Variants in GYG1 observed in about 807,000 individuals in gnomAD.
GYG1 encodes glycogenin-1.
In GYG1, 44 loss-of-function variants were observed where a neutral mutation model predicts 41.9. That is an observed-to-expected ratio of 1.05 (90% CI 0.83 to 1.35). The LOEUF is 1.35. GYG1 is among the 40% of genes most tolerant of loss of function. GYG1 has a pLI of 0.00. For synonymous variants in GYG1, 141 were observed against 158.1 expected, an observed-to-expected ratio of 0.89 and a Z score of 0.81; for missense variants, 429 against 418.9, an observed-to-expected ratio of 1.02 and a Z score of -0.21.
intron 4 of GYG1, among the ~76,000 whole-genome samples, chr3:149,005,771 T>C (rs1361890958): frequency 1.3e-5 from 2 of 152,228 alleles, no homozygotes; most frequent in Non-Finnish European, 2.9e-5. Context: ...CTGTTCATTT[T>C]GAGAGAATTT....
In GYG1 at chr3:148,996,496, T is replaced by C. The variant is rs1156291692; in HGVS notation, c.318+20T>C. On this transcript the variant is annotated intron_variant, in intron 3 of 7. Coordinates refer to ENST00000345003, the MANE Select transcript of GYG1 (RefSeq NM_004130.4). ...ACTCTGGTGAGTGTGGCTTTGAGGG[T>C]AGAAAAGAAAGACATATATATATAT... 13 of 1,602,226 alleles carry C rather than the reference T, an allele frequency of 8.1e-6. No homozygotes were observed. In the Admixed American group the frequency reaches 8.3e-5, roughly 10 times the overall value.
intron 4 of GYG1, chr3:149,008,078 G>A (rs980453235): frequency 1.3e-5 from 2 of 152,250 alleles, no homozygotes; most frequent in African/African-American, 2.4e-5. Context: ...AGTGGTGACT[G>A]AGCAGGATCT....
intron 5 of GYG1, 129 bp downstream of exon 5, chr3:149,009,531 G>A: frequency 1.0e-6 from 1 of 966,520 alleles, no homozygotes; most frequent in Non-Finnish European, 1.7e-6. Flanking sequence ...AGTTTCTCTT[G>A]TAAGAACCGT....
intron 5 of GYG1, among the ~76,000 whole-genome samples, chr3:149,018,026 C>T (rs1304837890): frequency 1.3e-5 from 2 of 152,078 alleles, no homozygotes; most frequent in Non-Finnish European, 2.9e-5. Context: ...TAAGTGTTCC[C>T]CTAAATTTGC....
Position 148,994,226 on chromosome 3 carries a change from C to T in GYG1, c.92C>T (p.Thr31Ile), listed in dbSNP as rs1455877117. 11 of 1,613,804 alleles carry T rather than the reference C, an allele frequency of 6.8e-6. No homozygotes were observed. Among genetic ancestry groups the T allele is most frequent in the Admixed American group, 1.7e-5 (1 of 59,990 alleles). Reference sequence around the variant, plus strand: ...GGATCATCTCTGAAACAGCACAGGACCACCAGGAGGCTGGTCGTGCTCGCC... The same window carrying T: ...GGATCATCTCTGAAACAGCACAGGATCACCAGGAGGCTGGTCGTGCTCGCC... ...VLGSSLKQHRTTRRLVVLATP... is the reference protein window; with the variant it reads ...VLGSSLKQHRITRRLVVLATP... The change falls in exon 2 of 8, where the codon ACC (threonine) becomes ATC (isoleucine). Residue 31 changes from threonine (T) to isoleucine (I), a missense_variant. By Grantham distance (89) the Thr-to-Ile change is moderately conservative. Coordinates refer to ENST00000345003, the MANE Select transcript of GYG1 (RefSeq NM_004130.4).
intron 1 of GYG1, among the ~76,000 whole-genome samples, chr3:148,993,926 C>A (rs1712636703): frequency 6.6e-6 from 1 of 152,162 alleles, no homozygotes; most frequent in Non-Finnish European, 1.5e-5. Context: ...CTTAATCAAC[C>A]TGTTGAAGGT....
At chr3:148,992,042 G>C (rs752888067) in intron 1 of GYG1, among the ~76,000 whole-genome samples, 1 of 152,154 alleles carries the variant, frequency 6.6e-6, no homozygotes, top group Non-Finnish European at 1.5e-5. Context: ...GAGCTGCCCC[G>C]GCCTCTGGCG....
intron 5 of GYG1, among the ~76,000 whole-genome samples, chr3:149,010,980 G>A (rs1713691769): frequency 1.3e-5 from 2 of 152,138 alleles, no homozygotes; most frequent in South Asian, 4.1e-4. Context: ...TTCCTTTTCT[G>A]TTCTTTTCTG....
At chr3:149,021,952 G>A (rs1308397227) in intron 5 of GYG1, among the ~76,000 whole-genome samples, 7 of 152,036 alleles carry the variant, frequency 4.6e-5, no homozygotes, top group Non-Finnish European at 1.0e-4. Context: ...CTCCTCTCTG[G>A]CTCTAACAGA....
intron 1 of GYG1, 37 bp from the exon 2 acceptor site, chr3:148,994,105 A>G (rs1339833212): frequency 1.1e-5 from 18 of 1,596,218 alleles, no homozygotes; most frequent in Non-Finnish European, 1.4e-5. Context: ...TCCAGATAAG[A>G]TACTGTAATG....
chr3:149,020,879 C>T (rs772086966), intron 5 of GYG1, among the ~76,000 whole-genome samples: 4 of 152,056 alleles, frequency 2.6e-5, no homozygotes, highest in African/African-American at 4.8e-5. Flanking sequence ...GGTGGGCGTC[C>T]GAGGAGGTGG....
intron 4 of GYG1, among the ~76,000 whole-genome samples, chr3:149,002,109 G>A (rs946067414): frequency 6.6e-6 from 1 of 152,256 alleles, no homozygotes; most frequent in African/African-American, 2.4e-5. Flanking sequence ...TCTTGGAAGG[G>A]TTCCTCTCAC....
chr3:149,028,975 C>T lies in GYG1; in HGVS notation c.*2042C>T, dbSNP rs919443902. Reference sequence around the variant, plus strand: ...CTCGTGATCCACCGGCCTTGGCCTCCCAAAGTGCTGGGATTACAGGCGTGA... The same window carrying T: ...CTCGTGATCCACCGGCCTTGGCCTCTCAAAGTGCTGGGATTACAGGCGTGA... On this transcript the variant is annotated 3_prime_UTR_variant, in exon 8 of 8. Transcript: ENST00000345003. Among the ~76,000 whole-genome samples the T allele has an allele frequency of 2.6e-5, 4 of 152,122 alleles. No homozygotes were observed. The highest frequency in any genetic ancestry group is 9.7e-5 in the African/African-American group (4 of 41,416).
At chr3:149,014,792 A>G (rs374484020) in intron 5 of GYG1, among the ~76,000 whole-genome samples, 1 of 151,168 alleles carries the variant, frequency 6.6e-6, no homozygotes, top group South Asian at 2.1e-4. Flanking sequence ...GGCTTGAACC[A>G]GGGAGGCAGA....
chr3:149,012,118 G>A (rs574421858), intron 5 of GYG1, among the ~76,000 whole-genome samples: 1 of 152,324 alleles, frequency 6.6e-6, no homozygotes, highest in African/African-American at 2.4e-5. Context: ...GGGAAAGGCT[G>A]AAAAGGTACA....
rs1714067992 is a variant in GYG1 at position 149,016,659 on chromosome 3, A to G, written c.608+7257A>G. 2.0e-5 allele frequency among the ~76,000 whole-genome samples: 3 copies of G among 152,204 alleles called. No individual in the cohort carries two copies. In the South Asian group the frequency reaches 6.2e-4, roughly 32 times the overall value. ...GTCTGGTCAGTTGTTTGCTGGGGGTAGCAGCTATCTTCTAGTGATGGGATA... is the reference window on the plus strand; with the variant it reads ...GTCTGGTCAGTTGTTTGCTGGGGGTGGCAGCTATCTTCTAGTGATGGGATA... On this transcript the variant is annotated intron_variant, in intron 5 of 7. Coordinates refer to ENST00000345003, the MANE Select transcript of GYG1 (RefSeq NM_004130.4).
intron 5 of GYG1, among the ~76,000 whole-genome samples, chr3:149,015,181 T>C (rs527536376): frequency 6.6e-6 from 1 of 152,200 alleles, no homozygotes; most frequent in East Asian, 1.9e-4. Context: ...TAGGGATTGG[T>C]CAGAAATGAA....
In GYG1 at chr3:149,027,394, C is replaced by CAGGT. The variant is rs537865633; in HGVS notation, c.*463_*466dup. 12 of 185,272 alleles carry CAGGT rather than the reference C, an allele frequency of 6.5e-5. No homozygotes were observed. The highest frequency in any genetic ancestry group is 1.3e-4 in the Non-Finnish European group (11 of 86,916). The allele number at this position is 185,272 out of a possible 1,614,324, so 11.5% of individuals were successfully genotyped here. The stretch of plus-strand genomic sequence containing the variant: ...GAGTGAGTGAGTGTAATTCTCCTTT[C>CAGGT]AGGTAAAGATAGGCTATCTCAACAC... On this transcript the variant is annotated 3_prime_UTR_variant, in exon 8 of 8. Coordinates refer to ENST00000345003, the MANE Select transcript of GYG1 (RefSeq NM_004130.4).
intron 4 of GYG1, among the ~76,000 whole-genome samples, chr3:148,999,637 A>G (rs748184626): frequency 2.6e-5 from 4 of 152,200 alleles, no homozygotes; most frequent in Non-Finnish European, 4.4e-5. Context: ...ATGGACAATG[A>G]CTTTGTCTAA....
Sources: allele counts gnomAD v4.1 joint callset (sites outside exome capture counted in the v4.1 genomes callset), GRCh38; gene constraint gnomAD v4.1.1; transcripts MANE v1.5; gene names NCBI Gene and HGNC (gene_info 2026-07-23, HGNC 2026-07-21).